The following GALNT14 variants were observed in gnomAD, a reference collection of about 807,000 sequenced individuals.
The protein encoded by GALNT14 is polypeptide N-acetylgalactosaminyltransferase 14.
GALNT14 carries 60 observed loss-of-function variants against 77.5 expected under a neutral mutation model. That is an observed-to-expected ratio of 0.77 (90% confidence interval 0.63 to 0.96). The LOEUF is 0.96. GALNT14 is among the 40% of genes least tolerant of loss of function. The pLI is 0.00. For missense variants in GALNT14, 710 were observed against 731.0 expected (o/e 0.97, Z 0.33); for synonymous variants, 280 against 281.7 (o/e 0.99, Z 0.06).
rs142186317 is a variant in GALNT14, at chr2:30,915,711, G to T, written c.1381-3369C>A. 3.9e-5 allele frequency among the ~76,000 whole-genome samples: 6 copies of T among 152,288 alleles called. No homozygotes were observed. In the East Asian group the frequency reaches 1.2e-3, roughly 29 times the overall value. ...GGCCCTCTGCTGGTGGCTTCGTTTG[G>T]GGGCCTGGCAAAAGCCTAGCCCATG... On this transcript the variant is annotated intron_variant, in intron 13 of 14. Transcript: ENST00000349752.
At chr2:31,127,526 C>T (rs530241277) in intron 1 of GALNT14, among the ~76,000 whole-genome samples, 180 of 152,234 alleles carry the variant, frequency 1.2e-3, no homozygotes, top group Non-Finnish European at 2.1e-3. Context: ...ACATCAGAGA[C>T]CATATAACCT....
intron 1 of GALNT14, among the ~76,000 whole-genome samples, chr2:31,019,042 T>C (rs1190037274): frequency 1.3e-5 from 2 of 152,122 alleles, no homozygotes; most frequent in South Asian, 2.1e-4. Flanking sequence ...TTGGGCACCA[T>C]CTCACATCAT....
chr2:31,058,608 G>C (rs920093216), intron 1 of GALNT14, among the ~76,000 whole-genome samples: 3 of 152,176 alleles, frequency 2.0e-5, no homozygotes, highest in South Asian at 2.1e-4. Flanking sequence ...CCTCAGGAGA[G>C]AGAGAGAAGC....
chr2:31,006,636 G>A (rs1670690310), intron 1 of GALNT14, among the ~76,000 whole-genome samples: 1 of 152,190 alleles, frequency 6.6e-6, no homozygotes, highest in South Asian at 2.1e-4. Context: ...GTGCCTGTCT[G>A]GAGATAGACC....
chr2:31,128,048 A>G (rs1678782910), intron 1 of GALNT14, among the ~76,000 whole-genome samples: 2 of 152,266 alleles, frequency 1.3e-5, no homozygotes, highest in South Asian at 4.2e-4. Context: ...TGTCACAAAA[A>G]CACCACCATG....
intron 1 of GALNT14, among the ~76,000 whole-genome samples, chr2:31,101,497 T>A (rs1044870954): frequency 2.6e-5 from 4 of 152,072 alleles, no homozygotes; most frequent in Non-Finnish European, 5.9e-5. Flanking sequence ...TTTAAAAAAA[T>A]TTCTGCCTTA....
At chr2:31,094,065 G>A (rs1239816091) in intron 1 of GALNT14, among the ~76,000 whole-genome samples, 1 of 152,236 alleles carries the variant, frequency 6.6e-6, no homozygotes, top group Non-Finnish European at 1.5e-5. Flanking sequence ...CAGATGGCCT[G>A]AAGCAACTGA....
chr2:31,077,465 G>A (rs1675874343), intron 1 of GALNT14, among the ~76,000 whole-genome samples: 1 of 151,902 alleles, frequency 6.6e-6, no homozygotes, highest in Admixed American at 6.6e-5. Flanking sequence ...AATTACCCCA[G>A]GAAATATTTT....
At chr2:30,958,529 A>G (rs946424948) in intron 3 of GALNT14, 65 bp from the exon 4 acceptor site, 1 of 1,224,478 alleles carries the variant, frequency 8.2e-7, no homozygotes, top group Non-Finnish European at 1.2e-6. Flanking sequence ...TACTAACCCG[A>G]GTTTTAAATA....
intron 1 of GALNT14, among the ~76,000 whole-genome samples, chr2:31,027,233 A>G (rs1306755256): frequency 2.0e-5 from 3 of 152,170 alleles, no homozygotes; most frequent in Non-Finnish European, 4.4e-5. Flanking sequence ...GGAGTTTGTG[A>G]CTAGCCTGAC....
chr2:31,137,639 G>C (rs1203457753), intron 1 of GALNT14, among the ~76,000 whole-genome samples: 6 of 152,124 alleles, frequency 3.9e-5, no homozygotes, highest in Admixed American at 3.3e-4. Flanking sequence ...GAGACCGCCA[G>C]CCCCTGGGCC....
intron 1 of GALNT14, among the ~76,000 whole-genome samples, chr2:30,995,130 T>TTG (rs3058232): frequency 0.068 from 9,845 of 143,818 alleles, 325 homozygotes; most frequent in East Asian, 0.09. Flanking sequence ...AGAACCAATG[T>TTG]TGTGTGTGTG....
rs1383061924 is a variant in GALNT14 at position 30,910,481 on chromosome 2, C to T, written c.*420G>A. 6.3e-6 allele frequency: 1 copy of T among 159,154 alleles called. No homozygotes were observed. Among genetic ancestry groups the T allele is most frequent in the Admixed American group, 6.3e-5 (1 of 15,910 alleles). 9.9% of individuals were successfully genotyped at this position (159,154 alleles called of 1,614,324 possible). A position where few individuals can be genotyped will look rare whatever the true frequency, so the allele number is the denominator to read the frequency against. ...AGCAAGAGATGTCCAGAGACAACTT[C>T]TAAGTTTCTCTTTATTTCTTTTGGA... On this transcript the variant is annotated 3_prime_UTR_variant, in exon 15 of 15. Coordinates refer to ENST00000349752, the MANE Select transcript of GALNT14 (RefSeq NM_024572.4).
At chr2:31,068,834 C>T (rs1010409713) in intron 1 of GALNT14, among the ~76,000 whole-genome samples, 1 of 152,210 alleles carries the variant, frequency 6.6e-6, no homozygotes, top group Non-Finnish European at 1.5e-5. Flanking sequence ...GAAGAAAGTA[C>T]TGGCACGTGC....
At chr2:31,062,521 T>C (rs1185949687) in intron 1 of GALNT14, among the ~76,000 whole-genome samples, 2 of 152,266 alleles carry the variant, frequency 1.3e-5, no homozygotes, top group Non-Finnish European at 1.5e-5. Context: ...GCAGTAAACA[T>C]ACATGTGCAT....
chr2:30,891,903 C>T, the GALNT14 span, among the ~76,000 whole-genome samples: 3 of 152,314 alleles, frequency 2.0e-5, no homozygotes, highest in South Asian at 4.2e-4. Context: ...TAACCTCTCT[C>T]TATTCTTCTG....
chr2:31,017,671 C>A (rs1671460100), intron 1 of GALNT14, among the ~76,000 whole-genome samples: 1 of 152,098 alleles, frequency 6.6e-6, no homozygotes, highest in African/African-American at 2.4e-5. Context: ...ATCTTGCAGT[C>A]CACAGAGACC....
At chr2:31,035,487 T>C (rs1348842730) in intron 1 of GALNT14, among the ~76,000 whole-genome samples, 2 of 151,454 alleles carry the variant, frequency 1.3e-5, no homozygotes, top group Non-Finnish European at 2.9e-5. Context: ...GAATCTCAAG[T>C]GTGTCTCCCA....
At chr2:31,067,658 G>A (rs1393032947) in intron 1 of GALNT14, among the ~76,000 whole-genome samples, 1 of 152,134 alleles carries the variant, frequency 6.6e-6, no homozygotes. Context: ...CTAGCAGAGG[G>A]AGGACTTAAG....
Sources: gnomAD v4.1 joint callset for allele counts (sites outside exome capture counted in the v4.1 genomes callset) on GRCh38, gnomAD v4.1.1 for gene constraint, MANE v1.5 for transcripts, NCBI Gene and HGNC (gene_info 2026-07-23, HGNC 2026-07-21) for gene names.